ZNF3: variants seen among roughly 807,000 people sequenced by gnomAD.
ZNF3 encodes zinc finger protein 3, also known as C2-H2 type zinc finger protein.
In ZNF3, 16 loss-of-function variants were observed where a neutral mutation model predicts 36.9. That is an observed-to-expected ratio of 0.43 (90% confidence interval 0.29 to 0.66). The LOEUF is 0.66. ZNF3 is among the 30% of genes least tolerant of loss of function. The pLI, the probability that ZNF3 is intolerant of heterozygous loss-of-function variation, is 0.13. For missense variants in ZNF3, 462 were observed against 543.1 expected, an observed-to-expected ratio of 0.85 and a Z score of 1.48; for synonymous variants, 201 against 201.9, an observed-to-expected ratio of 1.00 and a Z score of 0.04.
downstream of ZNF3, among the ~76,000 whole-genome samples, chr7:100,066,841 C>T (rs903230238): frequency 6.6e-6 from 1 of 151,952 alleles, no homozygotes; most frequent in Non-Finnish European, 1.5e-5. Flanking sequence ...TTGAGACCAG[C>T]CTGGCCAACA....
At chr7:100,080,481 C>A (rs1021989057) in intron 1 of ZNF3, among the ~76,000 whole-genome samples, 23 of 149,724 alleles carry the variant, frequency 1.5e-4, no homozygotes, top group African/African-American at 5.4e-4. Flanking sequence ...GGCAACAGAG[C>A]AAGACCTTAA....
At chr7:100,068,023 T>C (rs1057208274), downstream of ZNF3, among the ~76,000 whole-genome samples, 1 of 152,184 alleles carries the variant, frequency 6.6e-6, no homozygotes, top group Non-Finnish European at 1.5e-5. Context: ...AGTCCAGGTG[T>C]AACTGCTCTG....
chr7:100,064,741 T>C, exon 6 of ZNF3: 1 of 1,613,888 alleles, frequency 6.2e-7, no homozygotes, highest in Non-Finnish European at 8.5e-7. Context: ...CATCAGGGGA[T>C]GCCTGAGGAG....
intron 4 of ZNF3, 120 bp downstream of exon 4, chr7:100,075,422 T>A (rs756416375): frequency 6.7e-7 from 1 of 1,493,996 alleles, no homozygotes; most frequent in Non-Finnish European, 9.3e-7. Context: ...AAGGTGAGGG[T>A]CCATGATTCA....
downstream of ZNF3, among the ~76,000 whole-genome samples, chr7:100,066,903 C>T (rs1445816631): frequency 6.6e-6 from 1 of 152,054 alleles, no homozygotes; most frequent in Non-Finnish European, 1.5e-5. Flanking sequence ...GGTGTGGTGG[C>T]GTGCGCCTGT....
downstream of ZNF3, among the ~76,000 whole-genome samples, chr7:100,065,955 C>T (rs1215484513): frequency 6.8e-6 from 1 of 148,042 alleles, no homozygotes; most frequent in African/African-American, 2.5e-5. Flanking sequence ...AAGGCCTGGG[C>T]ATTCTGTTTT....
At chr7:100,064,373 G>A (rs897543256) in exon 6 of ZNF3, 3 of 1,614,152 alleles carry the variant, frequency 1.9e-6, no homozygotes, top group Non-Finnish European at 2.5e-6. Context: ...TGTAACGAAT[G>A]TGGGAAGAGC....
downstream of ZNF3, among the ~76,000 whole-genome samples, chr7:100,065,920 T>C (rs1275141051): frequency 6.9e-6 from 1 of 145,830 alleles, no homozygotes; most frequent in East Asian, 2.0e-4. Flanking sequence ...CGTGTCATAC[T>C]AGATCCTGTA....
At chr7:100,067,595 TCTCA>T (rs1449400813), downstream of ZNF3, among the ~76,000 whole-genome samples, 1 of 152,076 alleles carries the variant, frequency 6.6e-6, no homozygotes, top group Non-Finnish European at 1.5e-5. Flanking sequence ...AGAGACTGGG[TCTCA>T]CTATGTTGCC....
At chr7:100,075,475 A>G (rs1221075923) in intron 4 of ZNF3, 67 bp downstream of exon 4, 1 of 1,589,014 alleles carries the variant, frequency 6.3e-7, no homozygotes. Flanking sequence ...TCAGGGTTTA[A>G]AGCTCTGAAT....
Position 100,070,738 on chromosome 7 carries a change from C to T in ZNF3, c.*405G>A, listed in dbSNP as rs1452949849. On this transcript the variant is annotated 3_prime_UTR_variant, in exon 6 of 6. Transcript: ENST00000299667. ...TTTGAAATAGTCTCCCTTTACCCTC[C>T]CTAGCAAATAACAGGACCCAGAGCG... 6 of 1,008,518 alleles carry T rather than the reference C, an allele frequency of 5.9e-6. No homozygotes were observed. The highest frequency in any genetic ancestry group is 7.1e-6 in the Non-Finnish European group (6 of 843,264). The allele number at this position is 1,008,518 out of a possible 1,614,324, so 62.5% of individuals were successfully genotyped here.
rs1172146226 is a variant in ZNF3 at position 100,079,611 on chromosome 7, C to T, written c.-152G>A. The T allele has an allele frequency of 1.3e-5, 2 of 152,158 alleles. No homozygotes were observed. Among genetic ancestry groups the T allele is most frequent in the East Asian group, 3.8e-4 (2 of 5,206 alleles). The allele number at this position is 152,158 out of a possible 1,614,324, so 9.4% of individuals were successfully genotyped here. ...GGAGCAATTACTGGGAATTTAGCAGCCTCTGTTCAAGTTCCCGGGAATTCT... is the reference window on the plus strand; with the variant it reads ...GGAGCAATTACTGGGAATTTAGCAGTCTCTGTTCAAGTTCCCGGGAATTCT... On this transcript the variant is annotated 5_prime_UTR_variant, in exon 2 of 6. Coordinates refer to ENST00000299667, the MANE Select transcript of ZNF3 (RefSeq NM_032924.5).
At chr7:100,077,538 A>G in intron 2 of ZNF3, 105 bp from the exon 3 acceptor site, 1 of 1,105,294 alleles carries the variant, frequency 9.0e-7, no homozygotes, top group Non-Finnish European at 1.2e-6. Flanking sequence ...CAGTGAGAAG[A>G]AATGTGGCAA....
rs1792564404 is a variant in ZNF3 at position 100,064,891 on chromosome 7, GTTAA to G, written c.289_292del (p.Thr98ArgfsTer4). ...CCATGCCAGCATTACCTTTTGCGTAGTTAAACAGACGTGTATCCAGTCTAGTTAA... is the reference window on the plus strand; with the variant it reads ...CCATGCCAGCATTACCTTTTGCGTAGACAGACGTGTATCCAGTCTAGTTAA... On this transcript the variant is annotated frameshift_variant, in exon 6 of 6. Transcript: ENST00000413658. LOFTEE classifies it low-confidence loss of function (END_TRUNC). The G allele has an allele frequency of 3.5e-6, 3 of 846,452 alleles. No individual in the cohort carries two copies. The highest frequency in any genetic ancestry group is 4.9e-6 in the Non-Finnish European group (3 of 608,504). The allele number at this position is 846,452 out of a possible 1,614,324, so 52.4% of individuals were successfully genotyped here.
Position 100,072,153 on chromosome 7 carries a change from C to A in ZNF3, c.331G>T (p.Val111Phe). The change falls in exon 6 of 6, where the codon GTC becomes TTC. Residue 111 changes from valine (V) to phenylalanine (F), a missense_variant. Physicochemically the swap from Val to Phe is conservative, Grantham distance 50. Transcript: ENST00000299667. The part of the protein sequence containing the change: ...EISEDTRSHG[V>F]LLGRFQKDIS... Reference sequence around the variant, plus strand: ...TCCTTTTGAAATCTTCCCAGTAGGACCCCATGTGATCTTGTGTCTTCAGAA... The same window carrying A: ...TCCTTTTGAAATCTTCCCAGTAGGAACCCATGTGATCTTGTGTCTTCAGAA... 1 of 1,610,562 alleles carries A rather than the reference C, an allele frequency of 6.2e-7. No individual in the cohort carries two copies. The highest frequency in any genetic ancestry group is 8.5e-7 in the Non-Finnish European group (1 of 1,179,092).
chr7:100,063,912 G>A (rs1792479911), downstream of ZNF3: 1 of 1,614,144 alleles, frequency 6.2e-7, no homozygotes, highest in Non-Finnish European at 8.5e-7. Context: ...GCTTAGAGAG[G>A]CAGTGCGTAA....
upstream of ZNF3, among the ~76,000 whole-genome samples, chr7:100,082,076 C>T (rs1017750459): frequency 1.3e-5 from 2 of 152,138 alleles, no homozygotes; most frequent in African/African-American, 4.8e-5. Context: ...CAGGCTGGCT[C>T]GCGAAGGGCA....
At chr7:100,065,161 C>T (rs1481677009), downstream of ZNF3, 2 of 503,628 alleles carry the variant, frequency 4.0e-6, no homozygotes, top group Non-Finnish European at 6.8e-6. Context: ...GGCACGGTGG[C>T]TTACGCCTGT....
Position 100,071,253 on chromosome 7 carries a change from G to A in ZNF3, c.1231C>T (p.Leu411Phe), listed in dbSNP as rs1014107179. The A allele has an allele frequency of 2.2e-5, 36 of 1,614,122 alleles. No homozygotes were observed. The highest frequency in any genetic ancestry group is 3.1e-5 in the Non-Finnish European group (36 of 1,180,050). ...GTGTGAATTCTCTGATGGCGAACAA[G>A]AGCCGAGCTGTACCTGAAGGCTTTC... ...CGKAFRYSSALVRHQRIHTGE... is the reference protein window; with the variant it reads ...CGKAFRYSSAFVRHQRIHTGE... The change falls in exon 6 of 6, where the codon CTT becomes TTT. Residue 411 changes from leucine (L) to phenylalanine (F), a missense_variant. Transcript: ENST00000299667.
Sources: allele counts gnomAD v4.1 joint callset (sites outside exome capture counted in the v4.1 genomes callset), GRCh38; gene constraint gnomAD v4.1.1; transcripts MANE v1.5; gene names NCBI Gene and HGNC (gene_info 2026-07-23, HGNC 2026-07-21).